DDR2: variants seen among roughly 807,000 people sequenced by gnomAD.
The protein encoded by DDR2 is discoidin domain receptor tyrosine kinase 2.
In DDR2, 27 loss-of-function variants were observed where a neutral mutation model predicts 94.9. The ratio of observed to expected loss-of-function variants is 0.28; its 90% CI spans 0.21 to 0.39. The LOEUF (loss-of-function observed/expected upper bound fraction) is 0.39, where lower values mean the gene tolerates loss of function less well. DDR2 is among the 10% of genes least tolerant of loss of function. DDR2 has a pLI of 1.00. For synonymous variants in DDR2, 382 were observed against 377.2 expected (o/e 1.01, Z -0.15); for missense variants, 783 against 1,076.0 (o/e 0.73, Z 3.81).
At chr1:162,634,945 G>A (rs1295966445) in intron 1 of DDR2, among the ~76,000 whole-genome samples, 1 of 152,204 alleles carries the variant, frequency 6.6e-6, no homozygotes, top group Admixed American at 6.5e-5. Context: ...TGTGCCTGCA[G>A]TCAGAAGGGA....
At chr1:162,733,973 C>A (rs994677949) in intron 3 of DDR2, among the ~76,000 whole-genome samples, 1 of 152,194 alleles carries the variant, frequency 6.6e-6, no homozygotes, top group African/African-American at 2.4e-5. Context: ...AATACATAAT[C>A]AAATTGTGCC....
chr1:162,741,263 GTAATATAATA>G (rs71581465), intron 3 of DDR2, among the ~76,000 whole-genome samples: 2,692 of 124,610 alleles, frequency 0.022, 96 homozygotes, highest in African/African-American at 0.055. Flanking sequence ...GTAATGTAAT[GTAATATAATA>G]TAATATAATA....
At chr1:162,631,194 G>A (rs986556457), upstream of DDR2, among the ~76,000 whole-genome samples, 1 of 131,190 alleles carries the variant, frequency 7.6e-6, no homozygotes, top group East Asian at 2.3e-4. Flanking sequence ...GTGTGTGTGT[G>A]TGTGTGTGTG....
chr1:162,784,846 A>G lies in DDR2; in HGVS notation c.*4600A>G, dbSNP rs1312017235. On this transcript the variant is annotated 3_prime_UTR_variant, in exon 18 of 18. Transcript: ENST00000367921. ...CCATTTTCGGAACCAGAAAATTAAC[A>G]TTGGCATAATGCTATTAACTAAACT... 4.6e-5 allele frequency: 7 copies of G among 152,324 alleles called. No individual in the cohort carries two copies. In the East Asian group the frequency reaches 9.6e-4, roughly 21 times the overall value. 9.4% of individuals were successfully genotyped at this position (152,324 alleles called of 1,614,324 possible).
At chr1:162,776,109 C>G (rs748651577) in intron 15 of DDR2, 27 bp from the exon 16 acceptor site, 1 of 1,584,970 alleles carries the variant, frequency 6.3e-7, no homozygotes, top group South Asian at 1.1e-5. Flanking sequence ...CATAGGCTAC[C>G]TTCTGTCTTC....
chr1:162,671,146 G>T (rs909590434), intron 2 of DDR2, among the ~76,000 whole-genome samples: 8 of 152,126 alleles, frequency 5.3e-5, no homozygotes, highest in Non-Finnish European at 1.0e-4. Flanking sequence ...AGCTGTGAGG[G>T]CTGCCCCTGA....
At chr1:162,708,052 C>G (rs1004003204) in intron 2 of DDR2, among the ~76,000 whole-genome samples, 1 of 152,154 alleles carries the variant, frequency 6.6e-6, no homozygotes, top group African/African-American at 2.4e-5. Context: ...TCCTTTCTGT[C>G]TCTGATGGTT....
rs2102149505 is a variant in DDR2, at chr1:162,759,820, G to T, written c.696G>T (p.Leu232Phe). The T allele has an allele frequency of 6.2e-7, 1 of 1,614,070 alleles. No individual in the cohort carries two copies. Among genetic ancestry groups the T allele is most frequent in the South Asian group, 1.1e-5 (1 of 91,062 alleles). The change falls in exon 8 of 18, where the codon TTG (leucine) becomes TTT (phenylalanine). Residue 232 changes from leucine to phenylalanine, a missense_variant. Transcript: ENST00000367921. ...GYSMTEGLGQ[L>F]TDGVSGLDDF... is the part of the protein sequence containing the mutation. The stretch of plus-strand genomic sequence containing the variant: ...GCATGACAGAAGGGCTAGGCCAATT[G>T]ACCGATGGTGTGTCTGGCCTGGACG...
chr1:162,676,333 C>G (rs1280509361), intron 2 of DDR2, among the ~76,000 whole-genome samples: 3 of 152,200 alleles, frequency 2.0e-5, no homozygotes, highest in Non-Finnish European at 4.4e-5. Flanking sequence ...GAATTAATTT[C>G]TCCCTCCTTA....
chr1:162,689,841 T>TAA (rs1558028580), intron 2 of DDR2, among the ~76,000 whole-genome samples: 247 of 14,660 alleles, frequency 0.017, 16 homozygotes, highest in African/African-American at 0.023. Flanking sequence ...CCATCTCTAC[T>TAA]TAAAAAAAAA....
Position 162,776,244 on chromosome 1 carries a change from T to C in DDR2, c.2157T>C (p.Gly719=). ...RDLATRNCLV[G]KNYTIKIADF... ...TGGCCACACGAAACTGTTTAGTGGG[T>C]AAGAACTACACAATCAAGATAGCTG... is the stretch of plus-strand genomic sequence containing the variant. Residue 719 remains glycine, a synonymous_variant, in exon 16 of 18, where the codon GGT becomes GGC. Coordinates refer to ENST00000367921, the MANE Select transcript of DDR2 (RefSeq NM_006182.4). The C allele has an allele frequency of 6.2e-7, 1 of 1,613,896 alleles. No individual in the cohort carries two copies. Among genetic ancestry groups the C allele is most frequent in the Non-Finnish European group, 8.5e-7 (1 of 1,179,920 alleles).
intron 1 of DDR2, among the ~76,000 whole-genome samples, chr1:162,650,838 G>A (rs139850008): frequency 5.3e-4 from 81 of 152,074 alleles, no homozygotes; most frequent in African/African-American, 1.8e-3. Context: ...TAATTCTCAT[G>A]TCTCAGCCTC....
chr1:162,639,389 A>C (rs1357915056), intron 1 of DDR2, among the ~76,000 whole-genome samples: 1 of 152,236 alleles, frequency 6.6e-6, no homozygotes, highest in Non-Finnish European at 1.5e-5. Context: ...GATGGAGAAA[A>C]GGTAGTATTT....
chr1:162,665,470 C>A (rs1658504409), intron 2 of DDR2, among the ~76,000 whole-genome samples: 1 of 152,088 alleles, frequency 6.6e-6, no homozygotes, highest in Non-Finnish European at 1.5e-5. Context: ...CCCTGCCCAC[C>A]CCACTGTCAA....
chr1:162,675,410 A>C (rs1260255659), intron 2 of DDR2, among the ~76,000 whole-genome samples: 1 of 152,186 alleles, frequency 6.6e-6, no homozygotes, highest in Non-Finnish European at 1.5e-5. Context: ...ATGGCGGGAC[A>C]TGGAAGGGTC....
chr1:162,741,036 A>C (rs1452004704), intron 3 of DDR2, among the ~76,000 whole-genome samples: 1 of 151,940 alleles, frequency 6.6e-6, no homozygotes, highest in East Asian at 1.9e-4. Flanking sequence ...AATGTGATCT[A>C]CGTCAATCCC....
At chr1:162,697,517 A>G (rs890392226) in intron 2 of DDR2, among the ~76,000 whole-genome samples, 5 of 152,150 alleles carry the variant, frequency 3.3e-5, no homozygotes, top group East Asian at 3.8e-4. Context: ...AGCAAAGGGG[A>G]TGGGCTTTTT....
At chr1:162,707,061 T>C (rs1261396835) in intron 2 of DDR2, among the ~76,000 whole-genome samples, 1 of 152,152 alleles carries the variant, frequency 6.6e-6, no homozygotes, top group Non-Finnish European at 1.5e-5. Context: ...ATCCAACTGC[T>C]GAATGAGGCT....
chr1:162,693,365 A>G (rs1660043431), intron 2 of DDR2, among the ~76,000 whole-genome samples: 1 of 152,168 alleles, frequency 6.6e-6, no homozygotes, highest in Admixed American at 6.5e-5. Context: ...AAAGTATTAG[A>G]ACTAGTGCTG....
Sources: allele counts gnomAD v4.1 joint callset (sites outside exome capture counted in the v4.1 genomes callset), GRCh38; gene constraint gnomAD v4.1.1; transcripts MANE v1.5; gene names NCBI Gene and HGNC (gene_info 2026-07-23, HGNC 2026-07-21).